The following TRPS1 variants were observed in gnomAD, a reference collection of about 807,000 sequenced individuals.
The protein encoded by TRPS1 is zinc finger transcription factor Trps1.
In TRPS1, 6 loss-of-function variants were observed where a neutral mutation model predicts 101.2. The observed-to-expected ratio is 0.06, with a 90% CI of 0.03 to 0.12. The LOEUF is 0.12. Ranked by LOEUF, TRPS1 falls within the 10% of genes least tolerant of loss-of-function variation. The probability of loss-of-function intolerance (pLI) is 1.00; values close to 1 mark genes in which losing one functional copy is unlikely to be tolerated. For missense variants in TRPS1, 1,363 were observed against 1,567.0 expected (o/e 0.87, Z 2.20); for synonymous variants, 578 against 589.8 (o/e 0.98, Z 0.29).
At chr8:115,617,750 A>G (rs374655574) in intron 3 of TRPS1, among the ~76,000 whole-genome samples, 62 of 152,336 alleles carry the variant, frequency 4.1e-4, no homozygotes, top group African/African-American at 1.5e-3. Flanking sequence ...AAGACAGTGA[A>G]ATGATCTTTA....
rs1384239571 is a variant in TRPS1 at position 115,588,396 on chromosome 8, G to T, written c.2097-792C>A. Among the ~76,000 whole-genome samples, 3 of 152,282 alleles carry T rather than the reference G, an allele frequency of 2.0e-5. No homozygotes were observed. The East Asian group carries it at 5.8e-4, about 29-fold the overall frequency. The stretch of plus-strand genomic sequence containing the variant: ...CGTAAACACATTCAAGAAATTGAGT[G>T]TCTGTTGAGTGTCAAACACCATAAT... On this transcript the variant is annotated intron_variant, in intron 4 of 6. Transcript: ENST00000395715.
intron 4 of TRPS1, among the ~76,000 whole-genome samples, chr8:115,594,004 A>C (rs1817734015): frequency 6.6e-6 from 1 of 152,140 alleles, no homozygotes; most frequent in South Asian, 2.1e-4. Context: ...ATCCAGATTG[A>C]CAGTAAGTAT....
At chr8:115,415,322 T>C (rs1812892797) in intron 6 of TRPS1, among the ~76,000 whole-genome samples, 1 of 152,180 alleles carries the variant, frequency 6.6e-6, no homozygotes, top group Non-Finnish European at 1.5e-5. Context: ...AAAACTTTAA[T>C]CTACTTGAAA....
At chr8:115,425,489 G>A (rs575088091) in intron 5 of TRPS1, among the ~76,000 whole-genome samples, 28 of 152,258 alleles carry the variant, frequency 1.8e-4, no homozygotes, top group African/African-American at 6.7e-4. Context: ...CAGGACATGA[G>A]GCAATACATA....
chr8:115,457,100 AAATAT>A (rs1174169194), intron 5 of TRPS1, among the ~76,000 whole-genome samples: 2 of 152,160 alleles, frequency 1.3e-5, no homozygotes, highest in African/African-American at 4.8e-5. Context: ...AGAATGCATA[AAATAT>A]AATTATCCTA....
chr8:115,416,717 G>A (rs546754731), intron 6 of TRPS1, among the ~76,000 whole-genome samples: 138 of 151,974 alleles, frequency 9.1e-4, no homozygotes, highest in Non-Finnish European at 1.5e-3. Context: ...CATTTCTGTT[G>A]TTACAAACAT....
chr8:115,571,882 T>A (rs3808454), intron 5 of TRPS1, among the ~76,000 whole-genome samples: 2 of 151,484 alleles, frequency 1.3e-5, no homozygotes, highest in South Asian at 4.2e-4. Context: ...TTTGATAATA[T>A]GTATATACGA....
At position 115,604,449 on chromosome 8, in the gene TRPS1, G is replaced by A. The variant is rs1243473321; in HGVS notation, c.1520C>T (p.Thr507Ile). Residue 507 changes from threonine to isoleucine, a missense_variant, in exon 4 of 7, where the codon ACA (threonine) becomes ATA (isoleucine). Thr to Ile is a moderately conservative substitution (Grantham distance 89, BLOSUM62 -1). Around this residue, in one of 5 missense-constraint regions of TRPS1, gnomAD observed 1,020 missense variants for 1,073.0 expected, o/e 0.95. Coordinates refer to ENST00000395715, the MANE Select transcript of TRPS1 (RefSeq NM_014112.5). The surrounding 1 kb of genome is among the most constrained non-coding windows in gnomAD (Gnocchi z 4.1). Reference sequence around the variant, plus strand: ...CGAGCTCTTGTCTGTCTTGGTCATTGTCTCTCCTTCTGAACTTTTGGCTAG... The same window carrying A: ...CGAGCTCTTGTCTGTCTTGGTCATTATCTCTCCTTCTGAACTTTTGGCTAG... ...NDLAKSSEGE[T>I]MTKTDKSSSG... The A allele has an allele frequency of 1.9e-6, 3 of 1,614,008 alleles. No homozygotes were observed. Among genetic ancestry groups the A allele is most frequent in the Non-Finnish European group, 2.5e-6 (3 of 1,179,980 alleles).
At chr8:115,567,177 T>A (rs1817089592) in intron 5 of TRPS1, among the ~76,000 whole-genome samples, 1 of 152,110 alleles carries the variant, frequency 6.6e-6, no homozygotes, top group Non-Finnish European at 1.5e-5. Flanking sequence ...GACAGATGAA[T>A]AAAAAGATTC....
chr8:115,579,782 C>T (rs1817401154), intron 5 of TRPS1, among the ~76,000 whole-genome samples: 1 of 151,898 alleles, frequency 6.6e-6, no homozygotes, highest in South Asian at 2.1e-4. Flanking sequence ...CAAAGTAATT[C>T]TTCAAAATTA....
At chr8:115,540,824 T>A (rs1370464979) in intron 5 of TRPS1, among the ~76,000 whole-genome samples, 1 of 151,846 alleles carries the variant, frequency 6.6e-6, no homozygotes, top group Non-Finnish European at 1.5e-5. Context: ...ACGCACCCCA[T>A]AAATATATAT....
At chr8:115,546,417 T>C (rs963841815) in intron 5 of TRPS1, among the ~76,000 whole-genome samples, 6 of 152,164 alleles carry the variant, frequency 3.9e-5, no homozygotes, top group Non-Finnish European at 8.8e-5. Context: ...GGATACTATT[T>C]GTTTTTAATT....
intron 5 of TRPS1, among the ~76,000 whole-genome samples, chr8:115,435,603 G>A (rs1230332265): frequency 6.6e-6 from 1 of 152,104 alleles, no homozygotes; most frequent in Non-Finnish European, 1.5e-5. Flanking sequence ...TCCCTGTAGT[G>A]TCACTTTAAG....
At chr8:115,454,795 A>T (rs1003899545) in intron 5 of TRPS1, among the ~76,000 whole-genome samples, 8 of 152,188 alleles carry the variant, frequency 5.3e-5, no homozygotes, top group Non-Finnish European at 1.2e-4. Context: ...CATGAAATGT[A>T]AATTTTTCAT....
intron 4 of TRPS1, among the ~76,000 whole-genome samples, chr8:115,598,764 T>C (rs1817844232): frequency 6.6e-6 from 1 of 152,194 alleles, no homozygotes; most frequent in South Asian, 2.1e-4. Flanking sequence ...CTATTTGATG[T>C]TTTTTCCAAA....
chr8:115,520,098 A>T (rs564888545), intron 5 of TRPS1, among the ~76,000 whole-genome samples: 41 of 151,660 alleles, frequency 2.7e-4, no homozygotes, highest in African/African-American at 9.9e-4. Flanking sequence ...TTGCAAATTC[A>T]TCAACAGATG....
At chr8:115,437,359 G>A (rs1176663920) in intron 5 of TRPS1, among the ~76,000 whole-genome samples, 2 of 152,188 alleles carry the variant, frequency 1.3e-5, no homozygotes, top group East Asian at 3.9e-4. Context: ...TTCACAATGA[G>A]CATACAGGAT....
chr8:115,585,939 C>A (rs1269286048), intron 5 of TRPS1, among the ~76,000 whole-genome samples: 3 of 152,186 alleles, frequency 2.0e-5, no homozygotes, highest in Non-Finnish European at 4.4e-5. Context: ...CACAGATAGG[C>A]TTCAGAGAAT....
intron 3 of TRPS1, 129 bp from the exon 4 acceptor site, chr8:115,605,131 A>G: frequency 3.7e-6 from 3 of 814,418 alleles, no homozygotes; most frequent in Non-Finnish European, 4.0e-6. Context: ...GCTTATTATG[A>G]AATCACTTGA....
Sources: allele counts gnomAD v4.1 joint callset (sites outside exome capture counted in the v4.1 genomes callset), GRCh38; gene constraint gnomAD v4.1.1; regional missense constraint gnomAD v4.1.1; non-coding constraint Gnocchi (gnomAD v3.1); transcripts MANE v1.5; gene names NCBI Gene and HGNC (gene_info 2026-07-23, HGNC 2026-07-21).